The following GRIP2 variants were observed in gnomAD, a reference collection of about 807,000 sequenced individuals.
GRIP2 encodes the protein glutamate receptor interacting protein 2.
Under a neutral mutation model 108.3 loss-of-function variants are expected in GRIP2, and 58 were observed. The observed-to-expected ratio is 0.54, with a 90% CI of 0.43 to 0.67. The LOEUF (loss-of-function observed/expected upper bound fraction) is 0.67. GRIP2 is among the 30% of genes least tolerant of loss of function. The probability of loss-of-function intolerance (pLI) is 0.00; values close to 1 mark genes in which losing one functional copy is unlikely to be tolerated. For missense variants in GRIP2, 1,278 were observed against 1,430.6 expected, an observed-to-expected ratio of 0.89 and a Z score of 1.72; for synonymous variants, 586 against 598.2, an observed-to-expected ratio of 0.98 and a Z score of 0.30.
chr3:14,514,770 G>A (rs1694203631), intron 11 of GRIP2, among the ~76,000 whole-genome samples: 1 of 152,208 alleles, frequency 6.6e-6, no homozygotes, highest in South Asian at 2.1e-4. Flanking sequence ...TCATTTTATT[G>A]TATTATTGTG....
Position 14,499,149 on chromosome 3 carries a change from C to T in GRIP2, c.2680-2589G>A, listed in dbSNP as rs184169928. ...CGTGACCTCCGCATGAAGGTGGGGC[C>T]GGAATCTGCCTTCCACAATAGTGCA... On this transcript the variant is annotated intron_variant, in intron 21 of 23. Transcript: ENST00000621039. Among the ~76,000 whole-genome samples the T allele has an allele frequency of 5.9e-5, 9 of 152,278 alleles. No homozygotes were observed. In the East Asian group the frequency reaches 1.4e-3, roughly 23 times the overall value.
chr3:14,497,251 G>A (rs1486842062), intron 21 of GRIP2, among the ~76,000 whole-genome samples: 3 of 152,192 alleles, frequency 2.0e-5, no homozygotes, highest in Non-Finnish European at 4.4e-5. Context: ...ACAGGCGTGA[G>A]CCATCATGCC....
Position 14,506,731 on chromosome 3 carries a change from C to T in GRIP2, c.2398+70G>A, listed in dbSNP as rs372746357. The T allele has an allele frequency of 3.5e-4, 488 of 1,405,310 alleles. No individual in the cohort carries two copies. The African/African-American group carries it at 6.2e-3, about 18-fold the overall frequency. 87.1% of individuals were successfully genotyped at this position (1,405,310 alleles called of 1,614,324 possible). The stretch of plus-strand genomic sequence containing the variant: ...GGGAGGAACAGGCACAAGAACAGTC[C>T]TGCACAGGCCCAGCAGCAGGGGCGG... On this transcript the variant is annotated intron_variant, in intron 19 of 23. Coordinates refer to ENST00000621039, the MANE Select transcript of GRIP2 (RefSeq NM_001080423.4).
At chr3:14,524,576 G>A in intron 3 of GRIP2, 38 bp from the exon 4 acceptor site, 1 of 1,542,394 alleles carries the variant, frequency 6.5e-7, no homozygotes, top group Non-Finnish European at 8.8e-7. Context: ...GGTAACAGGT[G>A]CTGGCCCATG....
intron 3 of GRIP2, 123 bp downstream of exon 3, chr3:14,525,314 T>A (rs1002602653): frequency 8.4e-7 from 1 of 1,187,626 alleles, no homozygotes; most frequent in African/African-American, 1.5e-5. Flanking sequence ...AGTTGATGGG[T>A]GCTCCTGGAA....
At chr3:14,496,771 C>T (rs1162349348) in intron 21 of GRIP2, among the ~76,000 whole-genome samples, 2 of 152,236 alleles carry the variant, frequency 1.3e-5, no homozygotes, top group African/African-American at 2.4e-5. Context: ...ATCACTGGCA[C>T]GTAATCATTC....
intron 1 of GRIP2, among the ~76,000 whole-genome samples, chr3:14,531,934 G>A (rs1052709664): frequency 7.9e-5 from 12 of 152,130 alleles, no homozygotes; most frequent in Non-Finnish European, 1.5e-4. Flanking sequence ...AGCCCTCCGG[G>A]GCACCTTCTG....
chr3:14,569,065 T>A, the GRIP2 span, among the ~76,000 whole-genome samples: 1 of 152,132 alleles, frequency 6.6e-6, no homozygotes, highest in Admixed American at 6.5e-5. Context: ...AGCTGGGCCA[T>A]CAGGATTACG....
upstream of GRIP2, among the ~76,000 whole-genome samples, chr3:14,556,479 G>A (rs1011310565): frequency 2.0e-5 from 3 of 152,164 alleles, no homozygotes; most frequent in Non-Finnish European, 4.4e-5. Context: ...ATACTAGGTT[G>A]AGATTATCTA....
intron 1 of GRIP2, among the ~76,000 whole-genome samples, chr3:14,535,177 G>C (rs771490741): frequency 6.6e-6 from 1 of 152,140 alleles, no homozygotes; most frequent in Non-Finnish European, 1.5e-5. Context: ...ACCAAGTGAC[G>C]GTCCAGCCCC....
At chr3:14,590,041 C>T in the GRIP2 span, among the ~76,000 whole-genome samples, 13 of 152,266 alleles carry the variant, frequency 8.5e-5, no homozygotes, top group African/African-American at 3.1e-4. Context: ...GATCCTCCTG[C>T]CTCACCTCCC....
At chr3:14,592,149 C>G in the GRIP2 span, among the ~76,000 whole-genome samples, 5 of 152,374 alleles carry the variant, frequency 3.3e-5, no homozygotes, top group South Asian at 1.0e-3. Flanking sequence ...ATCTCTGCCC[C>G]CTCCACACTC....
the GRIP2 span, among the ~76,000 whole-genome samples, chr3:14,595,476 T>A: frequency 6.6e-6 from 1 of 152,214 alleles, no homozygotes; most frequent in East Asian, 1.9e-4. Context: ...CCTCCATTTT[T>A]AAAAATTAGA....
rs539596241 is a variant in GRIP2 at position 14,526,579 on chromosome 3, T to C, written c.41-648A>G. On this transcript the variant is annotated intron_variant, in intron 1 of 23. Coordinates refer to ENST00000621039, the MANE Select transcript of GRIP2 (RefSeq NM_001080423.4). Reference sequence around the variant, plus strand: ...ACTCTAATTCGAGAAAGCGCTCCCTTGTGTTTCTTCAAATGTTGTTTCCAA... The same window carrying C: ...ACTCTAATTCGAGAAAGCGCTCCCTCGTGTTTCTTCAAATGTTGTTTCCAA... Among the ~76,000 whole-genome samples the C allele has an allele frequency of 2.3e-3, 354 of 152,336 alleles. 4 individuals carry two copies. The highest frequency in any genetic ancestry group is 8.3e-3 in the African/African-American group (344 of 41,570).
At chr3:14,574,049 C>T in the GRIP2 span, 1 of 1,504,872 alleles carries the variant, frequency 6.6e-7, no homozygotes, top group South Asian at 1.1e-5. Flanking sequence ...AGAAGTTCTC[C>T]TGCTGCACGT....
chr3:14,524,109 G>C, intron 4 of GRIP2: 1 of 535,540 alleles, frequency 1.9e-6, no homozygotes, highest in Non-Finnish European at 3.3e-6. Flanking sequence ...GTCAGGGAAC[G>C]ACTTATTCAG....
chr3:14,509,547 T>C (rs111738502), intron 17 of GRIP2, among the ~76,000 whole-genome samples: 9,337 of 152,184 alleles, frequency 0.061, 381 homozygotes, highest in South Asian at 0.15. Context: ...CAGACACAGG[T>C]AGGAGCAGGA....
the GRIP2 span, among the ~76,000 whole-genome samples, chr3:14,593,109 C>T: frequency 7.9e-5 from 12 of 152,386 alleles, no homozygotes; most frequent in Non-Finnish European, 1.6e-4. Flanking sequence ...CAACCCAGCC[C>T]AGCCTGGCCT....
chr3:14,571,160 C>T, the GRIP2 span, among the ~76,000 whole-genome samples: 1 of 152,116 alleles, frequency 6.6e-6, no homozygotes, highest in Non-Finnish European at 1.5e-5. Context: ...TTCTGCTTTC[C>T]TGTGTGTGTG....
Sources: allele counts gnomAD v4.1 joint callset (sites outside exome capture counted in the v4.1 genomes callset), GRCh38; gene constraint gnomAD v4.1.1; transcripts MANE v1.5; gene names NCBI Gene and HGNC (gene_info 2026-07-23, HGNC 2026-07-21).